Variants in RGS17 observed in about 807,000 individuals in gnomAD.
The protein encoded by RGS17 is regulator of G-protein signaling 17.
A neutral mutation model predicts 25.5 loss-of-function variants in RGS17; 12 were observed. The ratio of observed to expected loss-of-function variants is 0.47; its 90% CI spans 0.30 to 0.76. The LOEUF is 0.76. RGS17 is among the 30% of genes least tolerant of loss of function. The pLI, the probability that RGS17 is intolerant of heterozygous loss-of-function variation, is 0.07. For missense variants in RGS17, 196 were observed against 242.2 expected, an observed-to-expected ratio of 0.81 and a Z score of 1.27; for synonymous variants, 71 against 76.9, an observed-to-expected ratio of 0.92 and a Z score of 0.40.
chr6:153,016,481 C>A (rs975071542), intron 4 of RGS17, among the ~76,000 whole-genome samples: 8 of 152,092 alleles, frequency 5.3e-5, no homozygotes, highest in Non-Finnish European at 7.4e-5. Context: ...AAAGTAGTAT[C>A]ATTAAATATA....
At chr6:153,114,154 T>A (rs1033600863) in intron 1 of RGS17, among the ~76,000 whole-genome samples, 1 of 151,984 alleles carries the variant, frequency 6.6e-6, no homozygotes, top group African/African-American at 2.4e-5. Context: ...CTGGTTTTTT[T>A]AAAAGATTAG....
chr6:153,090,195 T>C (rs1224041123), intron 1 of RGS17, among the ~76,000 whole-genome samples: 1 of 152,152 alleles, frequency 6.6e-6, no homozygotes. Flanking sequence ...AACTTCTTGG[T>C]TACTGAAGGT....
At chr6:153,013,617 T>G (rs1455376301) in intron 4 of RGS17, among the ~76,000 whole-genome samples, 1 of 152,230 alleles carries the variant, frequency 6.6e-6, no homozygotes, top group South Asian at 2.1e-4. Context: ...AGCCAAGTTG[T>G]GTAGGCAAAG....
chr6:153,077,870 A>G (rs1195786297), intron 1 of RGS17, among the ~76,000 whole-genome samples: 2 of 127,584 alleles, frequency 1.6e-5, no homozygotes, highest in African/African-American at 5.8e-5. Context: ...GACTTACAGT[A>G]TCTTTTTTAT....
At chr6:153,091,103 T>C (rs1176862260) in intron 1 of RGS17, among the ~76,000 whole-genome samples, 2 of 152,200 alleles carry the variant, frequency 1.3e-5, no homozygotes, top group African/African-American at 4.8e-5. Context: ...ATTTTGGAAT[T>C]TGCATTTCCT....
At chr6:153,116,162 C>T (rs1262776566) in intron 1 of RGS17, among the ~76,000 whole-genome samples, 2 of 152,124 alleles carry the variant, frequency 1.3e-5, no homozygotes, top group Non-Finnish European at 2.9e-5. Flanking sequence ...AAAATTTTTA[C>T]AATCTGTCTG....
chr6:153,126,326 G>A (rs557729156), intron 1 of RGS17, among the ~76,000 whole-genome samples: 1 of 152,344 alleles, frequency 6.6e-6, no homozygotes, highest in East Asian at 1.9e-4. Flanking sequence ...AGGTGTTTGT[G>A]AGCAAATTGT....
chr6:153,106,041 G>C (rs1777377903), intron 1 of RGS17, among the ~76,000 whole-genome samples: 1 of 152,148 alleles, frequency 6.6e-6, no homozygotes, highest in Non-Finnish European at 1.5e-5. Context: ...CGGAGAAACA[G>C]AACAGAGGTA....
At chr6:153,097,932 C>CCTTT (rs1461648220) in intron 1 of RGS17, among the ~76,000 whole-genome samples, 1 of 152,012 alleles carries the variant, frequency 6.6e-6, no homozygotes, top group Non-Finnish European at 1.5e-5. Flanking sequence ...GTTTTTCACC[C>CCTTT]CTTTCTACCA....
chr6:153,064,702 T>C (rs1272914249), intron 1 of RGS17, among the ~76,000 whole-genome samples: 1 of 152,096 alleles, frequency 6.6e-6, no homozygotes, highest in Non-Finnish European at 1.5e-5. Context: ...TCTTTATTTG[T>C]TTATGCAAAC....
rs370151404 is a variant in RGS17, at chr6:153,053,878, C to A, written c.-25-9835G>T. Reference sequence around the variant, plus strand: ...TTATTTTATTATGTTTTATACTTATCTATATTTTCTTTTTCACATACATAC... The same window carrying A: ...TTATTTTATTATGTTTTATACTTATATATATTTTCTTTTTCACATACATAC... On this transcript the variant is annotated intron_variant, in intron 1 of 4. Coordinates refer to ENST00000206262, the MANE Select transcript of RGS17 (RefSeq NM_012419.5). 2.3e-4 allele frequency among the ~76,000 whole-genome samples: 33 copies of A among 142,112 alleles called. 3 individuals carry two copies. Among genetic ancestry groups the A allele is most frequent in the Admixed American group, 1.9e-3 (26 of 13,644 alleles). 93.2% of individuals were successfully genotyped at this position (142,112 alleles called of 152,430 possible). A position where few individuals can be genotyped will look rare whatever the true frequency, so the allele number is the denominator to read the frequency against.
At chr6:153,099,641 G>A (rs977505330) in intron 1 of RGS17, among the ~76,000 whole-genome samples, 1 of 151,880 alleles carries the variant, frequency 6.6e-6, no homozygotes, top group Non-Finnish European at 1.5e-5. Flanking sequence ...AAAGCGTTTG[G>A]GTAGAAAAAA....
At chr6:153,080,044 CG>C (rs1171080842) in intron 1 of RGS17, among the ~76,000 whole-genome samples, 1 of 152,022 alleles carries the variant, frequency 6.6e-6, no homozygotes, top group Non-Finnish European at 1.5e-5. Context: ...GGCAGTGGTG[CG>C]ATCTCAGCTC....
chr6:153,037,844 C>T (rs1171971721), intron 2 of RGS17, among the ~76,000 whole-genome samples: 1 of 152,048 alleles, frequency 6.6e-6, no homozygotes, highest in Non-Finnish European at 1.5e-5. Context: ...TAATTTTTAC[C>T]AAAGGTATTA....
rs1321126199 is a variant in RGS17 at position 153,010,156 on chromosome 6, TATTC to T, written c.*1414_*1417del. 3 of 151,960 alleles carry T rather than the reference TATTC, an allele frequency of 2.0e-5. No homozygotes were observed. The highest frequency in any genetic ancestry group is 2.9e-5 in the Non-Finnish European group (2 of 67,856). The allele number at this position is 151,960 out of a possible 1,614,324, so 9.4% of individuals were successfully genotyped here. A position where few individuals can be genotyped will look rare whatever the true frequency, so the allele number is the denominator to read the frequency against. On this transcript the variant is annotated 3_prime_UTR_variant, in exon 5 of 5. Transcript: ENST00000206262. ...TTTCATTTTAGGTTACTCAGTATTA[TATTC>T]ATTCAGTTTAATATTAAAAAAATAG...
intron 2 of RGS17, among the ~76,000 whole-genome samples, chr6:153,040,840 C>CTT (rs1776312687): frequency 6.6e-6 from 1 of 151,804 alleles, no homozygotes; most frequent in African/African-American, 2.4e-5. Flanking sequence ...GTTCAAGGAA[C>CTT]TTTAACTTTT....
At chr6:153,038,157 G>T (rs898584510) in intron 2 of RGS17, among the ~76,000 whole-genome samples, 2 of 152,162 alleles carry the variant, frequency 1.3e-5, no homozygotes, top group African/African-American at 4.8e-5. Flanking sequence ...GGTATCTGGG[G>T]TCAGCAGACC....
intron 1 of RGS17, among the ~76,000 whole-genome samples, chr6:153,118,946 T>C (rs1178800892): frequency 1.3e-5 from 2 of 152,216 alleles, no homozygotes; most frequent in African/African-American, 2.4e-5. Flanking sequence ...GTCTTCATTC[T>C]CTTTATAACA....
In RGS17 at chr6:153,043,881, T is replaced by C. The variant is rs377507196; in HGVS notation, c.119+19A>G. 1 of 1,533,102 alleles carries C rather than the reference T, an allele frequency of 6.5e-7. No homozygotes were observed. The highest frequency in any genetic ancestry group is 1.1e-5 in the South Asian group (1 of 87,610). 95.0% of individuals were successfully genotyped at this position (1,533,102 alleles called of 1,614,324 possible). On this transcript the variant is annotated intron_variant, in intron 2 of 4. Coordinates refer to ENST00000206262, the MANE Select transcript of RGS17 (RefSeq NM_012419.5). Reference sequence around the variant, plus strand: ...CCTGCCAAGCCTGGGTGTGGCATCCTACAGGTAACATGACATACCAGGAGC... The same window carrying C: ...CCTGCCAAGCCTGGGTGTGGCATCCCACAGGTAACATGACATACCAGGAGC...
Sources: gnomAD v4.1 joint callset for allele counts (sites outside exome capture counted in the v4.1 genomes callset) on GRCh38, gnomAD v4.1.1 for gene constraint, MANE v1.5 for transcripts, NCBI Gene and HGNC (gene_info 2026-07-23, HGNC 2026-07-21) for gene names.